PDE10A: variants seen among roughly 807,000 people sequenced by gnomAD.
PDE10A encodes phosphodiesterase 10A, also known as cAMP and cAMP-inhibited cGMP 3',5'-cyclic phosphodiesterase 10A.
In PDE10A, 39 loss-of-function variants were observed where a neutral mutation model predicts 97.7. That is an observed-to-expected ratio of 0.40 (90% CI 0.31 to 0.52). PDE10A has a LOEUF of 0.52. Among genes scored for constraint, PDE10A ranks in the 20% least tolerant of loss-of-function variants. PDE10A has a pLI of 0.56. For synonymous variants in PDE10A, 371 were observed against 376.8 expected (o/e 0.98, Z 0.18); for missense variants, 731 against 1,047.8 (o/e 0.70, Z 4.17).
chr6:165,622,947 T>G (rs1307165054), intron 1 of PDE10A, among the ~76,000 whole-genome samples: 1 of 152,048 alleles, frequency 6.6e-6, no homozygotes, highest in Non-Finnish European at 1.5e-5. Flanking sequence ...CATTTAAAAG[T>G]GTGTGGCTCC....
intron 1 of PDE10A, among the ~76,000 whole-genome samples, chr6:165,841,981 A>G (rs1007241640): frequency 2.6e-5 from 4 of 152,232 alleles, no homozygotes; most frequent in Admixed American, 6.5e-5. Context: ...CCGCTTCTGC[A>G]GAGCTCCTTT....
At chr6:165,726,847 G>T (rs561472304) in intron 1 of PDE10A, among the ~76,000 whole-genome samples, 1 of 152,362 alleles carries the variant, frequency 6.6e-6, no homozygotes, top group South Asian at 2.1e-4. Flanking sequence ...AACAAGCACA[G>T]ATCTCCCTTT....
intron 1 of PDE10A, among the ~76,000 whole-genome samples, chr6:165,813,855 G>A (rs1435337323): frequency 6.6e-6 from 1 of 152,110 alleles, no homozygotes; most frequent in East Asian, 1.9e-4. Flanking sequence ...AAGTACTAGG[G>A]CCACAATGTT....
chr6:165,506,147 T>C (rs370885414), intron 2 of PDE10A, among the ~76,000 whole-genome samples: 13 of 152,236 alleles, frequency 8.5e-5, no homozygotes, highest in African/African-American at 2.6e-4. Flanking sequence ...CCCACTAAAA[T>C]GGCACTGTAC....
chr6:165,761,988 C>G (rs892068258), intron 1 of PDE10A, among the ~76,000 whole-genome samples: 4 of 152,156 alleles, frequency 2.6e-5, no homozygotes, highest in Admixed American at 1.3e-4. Flanking sequence ...TATTTACTCT[C>G]CCTGTCTTAA....
At chr6:165,972,726 G>A (rs930787166) in intron 1 of PDE10A, among the ~76,000 whole-genome samples, 1 of 152,064 alleles carries the variant, frequency 6.6e-6, no homozygotes, top group Admixed American at 6.6e-5. Flanking sequence ...AAAGTAACTG[G>A]CTTCAATTAA....
At chr6:165,424,197 G>C (rs1788943102) in intron 10 of PDE10A, among the ~76,000 whole-genome samples, 6 of 152,106 alleles carry the variant, frequency 3.9e-5, no homozygotes, top group Non-Finnish European at 8.8e-5. Flanking sequence ...AGCCTCCCCA[G>C]CTACGTTAGA....
intron 1 of PDE10A, among the ~76,000 whole-genome samples, chr6:165,586,362 T>C (rs1170870483): frequency 6.6e-6 from 1 of 152,236 alleles, no homozygotes; most frequent in African/African-American, 2.4e-5. Context: ...AACTAGTTTT[T>C]AAAATTGAAT....
intron 2 of PDE10A, among the ~76,000 whole-genome samples, chr6:165,542,885 TG>T (rs1251897451): frequency 6.6e-6 from 1 of 152,168 alleles, no homozygotes; most frequent in Non-Finnish European, 1.5e-5. Context: ...CCCAAAGTGC[TG>T]GGATTACAGG....
chr6:165,624,348 G>A (rs1481021188), intron 1 of PDE10A, among the ~76,000 whole-genome samples: 1 of 151,954 alleles, frequency 6.6e-6, no homozygotes, highest in Non-Finnish European at 1.5e-5. Flanking sequence ...CTTTTATCTC[G>A]GTACACTCTT....
At chr6:165,941,531 G>A (rs1330427261) in intron 1 of PDE10A, among the ~76,000 whole-genome samples, 1 of 152,184 alleles carries the variant, frequency 6.6e-6, no homozygotes, top group Non-Finnish European at 1.5e-5. Flanking sequence ...CCCGGTGGGG[G>A]ATGTCGGGAT....
At chr6:165,472,291 T>C (rs1779060272) in intron 3 of PDE10A, among the ~76,000 whole-genome samples, 1 of 152,140 alleles carries the variant, frequency 6.6e-6, no homozygotes, top group African/African-American at 2.4e-5. Context: ...CTATTCTCTC[T>C]TTAATTATTA....
At chr6:165,342,473 G>A (rs938967334) in intron 19 of PDE10A, among the ~76,000 whole-genome samples, 1 of 152,196 alleles carries the variant, frequency 6.6e-6, no homozygotes, top group African/African-American at 2.4e-5. Context: ...TCAACTCAAG[G>A]TCTGTGATCC....
chr6:165,888,112 C>T (rs968247118), intron 1 of PDE10A, among the ~76,000 whole-genome samples: 1 of 152,154 alleles, frequency 6.6e-6, no homozygotes, highest in African/African-American at 2.4e-5. Flanking sequence ...GGCTAATTCA[C>T]ACACCTTCTT....
At chr6:165,888,838 T>C (rs538836294) in intron 1 of PDE10A, among the ~76,000 whole-genome samples, 29 of 152,328 alleles carry the variant, frequency 1.9e-4, no homozygotes, top group African/African-American at 6.5e-4. Context: ...TAGTTGAGTA[T>C]TTGAAAGACA....
intron 18 of PDE10A, among the ~76,000 whole-genome samples, chr6:165,358,514 T>TG (rs1783181656): frequency 1.3e-5 from 2 of 151,282 alleles, no homozygotes; most frequent in Admixed American, 6.6e-5. Flanking sequence ...TACACCAGTT[T>TG]TTTTTTTTTA....
chr6:165,344,034 G>A (rs537636869), intron 18 of PDE10A, among the ~76,000 whole-genome samples: 1 of 152,306 alleles, frequency 6.6e-6, no homozygotes, highest in Non-Finnish European at 1.5e-5. Context: ...GCAAGTGTGT[G>A]AGCTGGATGC....
At position 165,758,521 on chromosome 6, in the gene PDE10A, A is replaced by AGAG. The variant is rs1298389732; in HGVS notation, c.-614-214954_-614-214953insCTC. 1.7e-4 allele frequency among the ~76,000 whole-genome samples: 26 copies of AGAG among 150,764 alleles called. 1 individual carries two copies. The highest frequency in any genetic ancestry group is 3.4e-3 in the Middle Eastern group (1 of 292). ...AAAGAAGAAAGAAGAAAGAAGAAGAAGAAGAAGAAGAGGAAGAGGAAGAGG... is the reference window on the plus strand; with the variant it reads ...AAAGAAGAAAGAAGAAAGAAGAAGAAGAGGAAGAAGAAGAGGAAGAGGAAGAGG... On this transcript the variant is annotated intron_variant, in intron 1 of 19. Transcript: ENST00000366882.
chr6:165,921,861 T>C (rs1468652051), intron 1 of PDE10A, among the ~76,000 whole-genome samples: 1 of 152,122 alleles, frequency 6.6e-6, no homozygotes, highest in Non-Finnish European at 1.5e-5. Context: ...CAGGGAGCAC[T>C]GATGAGCTCT....
Sources: gnomAD v4.1 joint callset for allele counts (sites outside exome capture counted in the v4.1 genomes callset) on GRCh38, gnomAD v4.1.1 for gene constraint, MANE v1.5 for transcripts, NCBI Gene and HGNC (gene_info 2026-07-23, HGNC 2026-07-21) for gene names.